The following PDE7A variants were observed in gnomAD, a reference collection of about 807,000 sequenced individuals.
PDE7A encodes phosphodiesterase 7A.
A neutral mutation model predicts 64.3 loss-of-function variants in PDE7A; 39 were observed. The ratio of observed to expected loss-of-function variants is 0.61; its 90% CI spans 0.47 to 0.79. The LOEUF is 0.79. PDE7A is among the 30% of genes least tolerant of loss of function. The probability of loss-of-function intolerance (pLI) is 0.00; values close to 1 mark genes in which losing one functional copy is unlikely to be tolerated. For missense variants in PDE7A, 470 were observed against 582.8 expected, an observed-to-expected ratio of 0.81 and a Z score of 1.99; for synonymous variants, 203 against 206.8, an observed-to-expected ratio of 0.98 and a Z score of 0.16.
chr8:65,809,438 C>CA (rs1438076358), intron 1 of PDE7A, among the ~76,000 whole-genome samples: 3 of 152,006 alleles, frequency 2.0e-5, no homozygotes, highest in Admixed American at 6.5e-5. Context: ...TAAGTTACCT[C>CA]AAAAAATCCA....
At chr8:65,809,744 A>G (rs1047438674) in intron 1 of PDE7A, among the ~76,000 whole-genome samples, 17 of 152,250 alleles carry the variant, frequency 1.1e-4, no homozygotes, top group African/African-American at 3.9e-4. Context: ...CAGACACATG[A>G]AAAAATGCTC....
chr8:65,827,494 A>G (rs1810706518), intron 1 of PDE7A, among the ~76,000 whole-genome samples: 1 of 152,170 alleles, frequency 6.6e-6, no homozygotes, highest in Non-Finnish European at 1.5e-5. Flanking sequence ...TTTGTAAACT[A>G]GCCACCATAA....
chr8:65,740,252 C>T (rs16932321), intron 5 of PDE7A, among the ~76,000 whole-genome samples: 15,333 of 151,996 alleles, frequency 0.1, 954 homozygotes, highest in East Asian at 0.26. Flanking sequence ...ATCATATTGT[C>T]TTTCCAGTGA....
chr8:65,749,696 A>C (rs1260608400), intron 3 of PDE7A, among the ~76,000 whole-genome samples: 1 of 152,252 alleles, frequency 6.6e-6, no homozygotes, highest in East Asian at 1.9e-4. Context: ...ACATGAGAAC[A>C]CTGTGCCTAC....
At position 65,734,799 on chromosome 8, in the gene PDE7A, G is replaced by C; in HGVS notation, c.691C>G (p.Pro231Ala). ...TQAMHCYLKEPKLANSVTPWD... is the reference protein window; with the variant it reads ...TQAMHCYLKEAKLANSVTPWD... ...AATCAATGTCAACCTCTTACCTTAGGTTCCTTTAAGTAACAGTGCATGGCC... is the reference window on the plus strand; with the variant it reads ...AATCAATGTCAACCTCTTACCTTAGCTTCCTTTAAGTAACAGTGCATGGCC... The change falls in exon 7 of 13, where the codon CCT (proline) becomes GCT (alanine). Residue 231 changes from proline to alanine, a missense_variant. Pro to Ala is a conservative substitution (Grantham distance 27, BLOSUM62 -1). Coordinates refer to ENST00000401827, the MANE Select transcript of PDE7A (RefSeq NM_001242318.3). 2 of 1,571,998 alleles carry C rather than the reference G, an allele frequency of 1.3e-6. No homozygotes were observed. Among genetic ancestry groups the C allele is most frequent in the Non-Finnish European group, 1.8e-6 (2 of 1,142,580 alleles).
chr8:65,782,128 C>A (rs574358163), intron 2 of PDE7A, among the ~76,000 whole-genome samples: 44 of 151,938 alleles, frequency 2.9e-4, no homozygotes, highest in Non-Finnish European at 6.2e-4. Context: ...GAGGAGGAGT[C>A]GTGGGAGAGA....
At chr8:65,796,134 A>G (rs1385094525) in intron 1 of PDE7A, among the ~76,000 whole-genome samples, 3 of 126,440 alleles carry the variant, frequency 2.4e-5, no homozygotes, top group African/African-American at 5.7e-5. Flanking sequence ...AATAAAAACT[A>G]AAAAAAAAAA....
chr8:65,803,313 A>G (rs1483275233), intron 1 of PDE7A, among the ~76,000 whole-genome samples: 1 of 152,220 alleles, frequency 6.6e-6, no homozygotes, highest in East Asian at 1.9e-4. Flanking sequence ...TCTAAGTTAC[A>G]GCAACAGACA....
intron 3 of PDE7A, among the ~76,000 whole-genome samples, chr8:65,748,457 T>C (rs1563485881): frequency 6.6e-6 from 1 of 152,220 alleles, no homozygotes; most frequent in African/African-American, 2.4e-5. Flanking sequence ...GAGTCTAACA[T>C]AGCCATTTTT....
intron 1 of PDE7A, among the ~76,000 whole-genome samples, chr8:65,784,971 C>A (rs1440323193): frequency 2.0e-5 from 3 of 151,792 alleles, no homozygotes; most frequent in African/African-American, 4.8e-5. Flanking sequence ...CATATACCTA[C>A]AAATCTCCAA....
chr8:65,774,521 C>T (rs1394188643), intron 3 of PDE7A, among the ~76,000 whole-genome samples: 3 of 151,968 alleles, frequency 2.0e-5, no homozygotes, highest in South Asian at 2.1e-4. Flanking sequence ...AGGAGTCTTT[C>T]GCACTCTTAA....
At position 65,815,381 on chromosome 8, in the gene PDE7A, C is replaced by T. The variant is rs1810375573; in HGVS notation, c.138+25990G>A. ...AATCTAATTACTTCAGACAGAAAAC[C>T]TTTGTTTACCTTTTTACACTTTAGA... On this transcript the variant is annotated intron_variant, in intron 1 of 12. Coordinates refer to ENST00000401827, the MANE Select transcript of PDE7A (RefSeq NM_001242318.3). Among the ~76,000 whole-genome samples, 3 of 152,200 alleles carry T rather than the reference C, an allele frequency of 2.0e-5. No individual in the cohort carries two copies. The South Asian group carries it at 6.2e-4, about 32-fold the overall frequency.
intron 1 of PDE7A, among the ~76,000 whole-genome samples, chr8:65,811,344 G>T (rs1247440089): frequency 6.6e-6 from 1 of 152,220 alleles, no homozygotes; most frequent in Non-Finnish European, 1.5e-5. Context: ...TGGGAGAGAA[G>T]ACAAGAAATG....
rs576978490 is a variant in PDE7A, at chr8:65,716,289, T to C, written c.*3001A>G. ...TTCCCCTGAGAATGTGGAAATAGGA[T>C]GATCTTTTCAGTTTCAAACTATAAG... On this transcript the variant is annotated 3_prime_UTR_variant, in exon 13 of 13. Transcript: ENST00000401827. Among the ~76,000 whole-genome samples, 8 of 152,274 alleles carry C rather than the reference T, an allele frequency of 5.3e-5. 1 individual carries two copies. In the South Asian group the frequency reaches 1.7e-3, roughly 32 times the overall value.
intron 3 of PDE7A, among the ~76,000 whole-genome samples, chr8:65,765,872 G>A (rs1400551664): frequency 9.9e-5 from 15 of 152,266 alleles, no homozygotes; most frequent in South Asian, 2.1e-4. Context: ...TCTCTTATAC[G>A]TTAAAAATAA....
intron 1 of PDE7A, among the ~76,000 whole-genome samples, chr8:65,818,779 C>T (rs1244251794): frequency 6.6e-6 from 1 of 152,170 alleles, no homozygotes; most frequent in Non-Finnish European, 1.5e-5. Flanking sequence ...ATATTCTTGC[C>T]CCAAACACTA....
At chr8:65,788,498 T>C (rs1230851774) in intron 1 of PDE7A, among the ~76,000 whole-genome samples, 2 of 152,194 alleles carry the variant, frequency 1.3e-5, no homozygotes, top group Non-Finnish European at 2.9e-5. Flanking sequence ...TCCTCAACAT[T>C]ATACTTTAAA....
chr8:65,833,242 T>C (rs925743600), intron 1 of PDE7A, among the ~76,000 whole-genome samples: 5 of 152,202 alleles, frequency 3.3e-5, no homozygotes, highest in African/African-American at 1.2e-4. Context: ...TGAGACTTTT[T>C]TTCTCCAGAG....
intron 1 of PDE7A, among the ~76,000 whole-genome samples, chr8:65,817,814 G>A (rs6472224): frequency 0.11 from 16,905 of 147,808 alleles, 1,026 homozygotes; most frequent in Non-Finnish European, 0.14. Context: ...GTGCAGCGGC[G>A]CTATCTCTGC....
Sources: allele counts gnomAD v4.1 joint callset (sites outside exome capture counted in the v4.1 genomes callset), GRCh38; gene constraint gnomAD v4.1.1; transcripts MANE v1.5; gene names NCBI Gene and HGNC (gene_info 2026-07-23, HGNC 2026-07-21).